The following SLC12A8 variants were observed in gnomAD, a reference collection of about 807,000 sequenced individuals.
SLC12A8 encodes solute carrier family 12 member 8, also known as cation-chloride cotransporter 9.
A neutral mutation model predicts 75.6 loss-of-function variants in SLC12A8; 69 were observed. That is an observed-to-expected ratio of 0.91 (90% confidence interval 0.75 to 1.11). SLC12A8 has a LOEUF of 1.11. SLC12A8 is among the 50% of genes most tolerant of loss of function. The pLI is 0.00. For missense variants in SLC12A8, 877 were observed against 896.7 expected, an observed-to-expected ratio of 0.98 and a Z score of 0.28; for synonymous variants, 365 against 372.8, an observed-to-expected ratio of 0.98 and a Z score of 0.24.
At chr3:125,210,499 G>T (rs1214445734) in intron 2 of SLC12A8, among the ~76,000 whole-genome samples, 1 of 152,138 alleles carries the variant, frequency 6.6e-6, no homozygotes, top group Non-Finnish European at 1.5e-5. Flanking sequence ...CATCACAGGG[G>T]AGATCTCAGA....
chr3:125,120,957 C>G (rs1207867026), intron 6 of SLC12A8: 4 of 671,832 alleles, frequency 6.0e-6, no homozygotes, highest in Non-Finnish European at 1.1e-5. Flanking sequence ...CAGCGCAAAG[C>G]AACCAGGGGG....
chr3:125,086,208 T>A (rs1938458228), intron 13 of SLC12A8, among the ~76,000 whole-genome samples: 1 of 152,160 alleles, frequency 6.6e-6, no homozygotes, highest in East Asian at 1.9e-4. Context: ...ACCTCCTGAA[T>A]AACCATCCCA....
chr3:125,084,732 A>T (rs944225444), intron 13 of SLC12A8, among the ~76,000 whole-genome samples: 1 of 152,196 alleles, frequency 6.6e-6, no homozygotes, highest in African/African-American at 2.4e-5. Context: ...GCTGCTACGG[A>T]AGGCAGACCC....
rs186153769 is a variant in SLC12A8 at position 125,082,967 on chromosome 3, G to A, written c.*923C>T. ...GGGAAAAAAGCAAGGTGCAGAACAT[G>A]TGTATAACGTGCTAACTTTTGTGTA... On this transcript the variant is annotated 3_prime_UTR_variant, in exon 14 of 14. Coordinates refer to ENST00000469902, the MANE Select transcript of SLC12A8 (RefSeq NM_024628.6). 2.6e-5 allele frequency: 4 copies of A among 152,338 alleles called. No homozygotes were observed. In the East Asian group the frequency reaches 7.7e-4, roughly 29 times the overall value. The allele number at this position is 152,338 out of a possible 1,614,324, so 9.4% of individuals were successfully genotyped here. A position where few individuals can be genotyped will look rare whatever the true frequency, so the allele number is the denominator to read the frequency against.
intron 5 of SLC12A8, among the ~76,000 whole-genome samples, chr3:125,153,647 T>C (rs1933984103): frequency 6.6e-6 from 1 of 151,938 alleles, no homozygotes; most frequent in Non-Finnish European, 1.5e-5. Context: ...TATTTATTTA[T>C]ATATTTTTTG....
At chr3:125,120,534 C>T in intron 7 of SLC12A8, 65 bp downstream of exon 7, 1 of 1,187,846 alleles carries the variant, frequency 8.4e-7, no homozygotes, top group Admixed American at 1.9e-5. Context: ...GGGGCAATCC[C>T]TCTTCTGCCT....
intron 2 of SLC12A8, among the ~76,000 whole-genome samples, chr3:125,197,404 G>A (rs1377645503): frequency 6.6e-6 from 1 of 152,060 alleles, no homozygotes; most frequent in Non-Finnish European, 1.5e-5. Context: ...CAATCCTCCT[G>A]CCTAAGCTTC....
chr3:125,090,088 T>G (rs1457598583), intron 12 of SLC12A8, among the ~76,000 whole-genome samples: 1 of 152,134 alleles, frequency 6.6e-6, no homozygotes, highest in Admixed American at 6.6e-5. Flanking sequence ...TAATTTTTAA[T>G]TTAGGAGACA....
chr3:125,104,270 T>A (rs1291091270), intron 10 of SLC12A8, among the ~76,000 whole-genome samples: 1 of 151,956 alleles, frequency 6.6e-6, no homozygotes, highest in Non-Finnish European at 1.5e-5. Context: ...TATGCCCAGC[T>A]AACTTCCTTT....
At chr3:125,096,058 CT>C (rs1438722993) in intron 10 of SLC12A8, among the ~76,000 whole-genome samples, 2 of 152,194 alleles carry the variant, frequency 1.3e-5, no homozygotes, top group African/African-American at 2.4e-5. Context: ...CCTCTCATCT[CT>C]CTTCCCTGGC....
At chr3:125,133,317 C>T (rs1933404089) in intron 6 of SLC12A8, among the ~76,000 whole-genome samples, 1 of 151,390 alleles carries the variant, frequency 6.6e-6, no homozygotes, top group South Asian at 2.1e-4. Context: ...ATGAATATAC[C>T]CATAAAACCA....
chr3:125,183,535 C>G, intron 4 of SLC12A8, among the ~76,000 whole-genome samples: 1 of 152,142 alleles, frequency 6.6e-6, no homozygotes, highest in East Asian at 1.9e-4. Context: ...CCCTCCCCTT[C>G]TGACACAAAC....
At chr3:125,137,061 A>G (rs1933510197) in intron 5 of SLC12A8, among the ~76,000 whole-genome samples, 1 of 152,086 alleles carries the variant, frequency 6.6e-6, no homozygotes, top group Non-Finnish European at 1.5e-5. Context: ...AGCCAACCCT[A>G]GGGTTTCAGG....
chr3:125,147,313 A>G (rs546050962), intron 5 of SLC12A8, among the ~76,000 whole-genome samples: 1 of 152,294 alleles, frequency 6.6e-6, no homozygotes, highest in African/African-American at 2.4e-5. Context: ...GGCTACTGCC[A>G]TATCACCTGA....
chr3:125,172,682 C>T (rs1488014638), intron 5 of SLC12A8, among the ~76,000 whole-genome samples: 1 of 152,186 alleles, frequency 6.6e-6, no homozygotes, highest in East Asian at 1.9e-4. Context: ...TAATAGATAA[C>T]TAATACGTGG....
intron 2 of SLC12A8, among the ~76,000 whole-genome samples, chr3:125,202,963 C>T (rs189992427): frequency 2.6e-5 from 4 of 151,830 alleles, no homozygotes; most frequent in Admixed American, 6.6e-5. Flanking sequence ...TGGCAGGCAC[C>T]TATAATCCCA....
At chr3:125,108,877 A>G (rs1266348890) in intron 9 of SLC12A8, among the ~76,000 whole-genome samples, 1 of 152,196 alleles carries the variant, frequency 6.6e-6, no homozygotes, top group African/African-American at 2.4e-5. Context: ...TCTGACACTG[A>G]GTATCCGCAA....
Position 125,107,599 on chromosome 3 carries a change from C to G in SLC12A8, c.1587G>C (p.Glu529Asp), listed in dbSNP as rs1360646883. 6 of 1,614,092 alleles carry G rather than the reference C, an allele frequency of 3.7e-6. No individual in the cohort carries two copies. Among genetic ancestry groups the G allele is most frequent in the South Asian group, 1.1e-5 (1 of 91,086 alleles). ...GCTTGTTCCAGCAGGACTCCTGCCC[C>G]TCCCAGGAGGCAGCGGGCAACCTGT... ...ISDRLPAASW[E>D]GQESCWNKQT... The change falls in exon 10 of 14, where the codon GAG (glutamate) becomes GAC (aspartate). Residue 529 changes from glutamate (E) to aspartate (D), a missense_variant. Physicochemically the swap from Glu to Asp is conservative, Grantham distance 45. Coordinates refer to ENST00000469902, the MANE Select transcript of SLC12A8 (RefSeq NM_024628.6).
At chr3:125,155,286 GA>G (rs1463483885) in intron 5 of SLC12A8, among the ~76,000 whole-genome samples, 1 of 152,060 alleles carries the variant, frequency 6.6e-6, no homozygotes, top group African/African-American at 2.4e-5. Context: ...ATTGACCCAG[GA>G]CTTTTTTCTC....
Sources: allele counts gnomAD v4.1 joint callset (sites outside exome capture counted in the v4.1 genomes callset), GRCh38; gene constraint gnomAD v4.1.1; transcripts MANE v1.5; gene names NCBI Gene and HGNC (gene_info 2026-07-23, HGNC 2026-07-21).